HERC1: variants seen among roughly 807,000 people sequenced by gnomAD.
HERC1 encodes probable E3 ubiquitin-protein ligase HERC1.
In HERC1, 160 loss-of-function variants were observed where a neutral mutation model predicts 554.3. The ratio of observed to expected loss-of-function variants is 0.29; its 90% CI spans 0.25 to 0.33. The LOEUF is 0.33. Ranked by LOEUF, HERC1 falls within the 10% of genes least tolerant of loss-of-function variation. HERC1 has a pLI of 1.00. For missense variants in HERC1, 4,919 were observed against 5,918.5 expected (o/e 0.83, Z 5.54); for synonymous variants, 2,175 against 2,131.7 (o/e 1.02, Z -0.56).
chr15:63,785,628 G>A (rs2076413999), intron 1 of HERC1, among the ~76,000 whole-genome samples: 2 of 152,044 alleles, frequency 1.3e-5, no homozygotes, highest in Non-Finnish European at 2.9e-5. Flanking sequence ...AAATTAGCCA[G>A]GAATGGTGGC....
chr15:63,651,445 A>G lies in HERC1; in HGVS notation c.10419-65T>C, dbSNP rs1057219047. On this transcript the variant is annotated intron_variant, in intron 52 of 77. Coordinates refer to ENST00000443617, the MANE Select transcript of HERC1 (RefSeq NM_003922.4). ...CATTCAAAAGTAAATTAAATCCCAA[A>G]CCTTAAAATAAGGGTTTCATATAGA... 2.0e-6 allele frequency: 3 copies of G among 1,492,204 alleles called. No homozygotes were observed. In the African/African-American group the frequency reaches 4.2e-5, roughly 21 times the overall value. The allele number at this position is 1,492,204 out of a possible 1,614,324, so 92.4% of individuals were successfully genotyped here. A position where few individuals can be genotyped will look rare whatever the true frequency, so the allele number is the denominator to read the frequency against.
In HERC1 at chr15:63,756,324, G is replaced by C. The variant is rs2075420462; in HGVS notation, c.1533+113C>G. 1.2e-6 allele frequency: 1 copy of C among 805,810 alleles called. No individual in the cohort carries two copies. The highest frequency in any genetic ancestry group is 2.0e-6 in the Non-Finnish European group (1 of 490,518). The allele number at this position is 805,810 out of a possible 1,614,324, so 49.9% of individuals were successfully genotyped here. On this transcript the variant is annotated intron_variant, in intron 5 of 77. Coordinates refer to ENST00000443617, the MANE Select transcript of HERC1 (RefSeq NM_003922.4). This position sits in a 1 kb window ranked among gnomAD's most constrained non-coding sequence, Gnocchi z 5.0. ...GTAAAGCAGAGATACAAAAGATTAAGCCAAAGGGTTGAAGGGGCAACTGCA... is the reference window on the plus strand; with the variant it reads ...GTAAAGCAGAGATACAAAAGATTAACCCAAAGGGTTGAAGGGGCAACTGCA...
chr15:63,714,545 G>GTTTTTTTTT (rs773905620), intron 22 of HERC1, among the ~76,000 whole-genome samples: 2 of 95,830 alleles, frequency 2.1e-5, no homozygotes, highest in African/African-American at 3.9e-5. Context: ...TCCTTTTTCT[G>GTTTTTTTTT]TTTTTTTTTT....
chr15:63,734,821 GCTCC>G lies in HERC1; in HGVS notation c.2545_2548del (p.Gly849GlnfsTer41). ...TCGTAATGGAGGTAACAGCATGGTT[GCTCC>G]CACTGATAAAGTTTCAATTACCACC... On this transcript the variant is annotated frameshift_variant, in exon 13 of 78. Transcript: ENST00000443617. LOFTEE classifies it high-confidence loss of function. This position sits in a 1 kb window ranked among gnomAD's most constrained non-coding sequence, Gnocchi z 4.6. 1 of 1,609,880 alleles carries G rather than the reference GCTCC, an allele frequency of 6.2e-7. No homozygotes were observed. Among genetic ancestry groups the G allele is most frequent in the Non-Finnish European group, 8.5e-7 (1 of 1,177,408 alleles).
rs2078023635 is a variant in HERC1, at chr15:63,828,642, T to C, written c.-27+5185A>G. 2.0e-5 allele frequency among the ~76,000 whole-genome samples: 3 copies of C among 152,268 alleles called. No homozygotes were observed. In the South Asian group the frequency reaches 6.2e-4, roughly 32 times the overall value. The stretch of plus-strand genomic sequence containing the variant: ...GCATGAGCCACCGCACCCAGCCCAG[T>C]ACACCTTTTTATACAGTAGTGTTTA... On this transcript the variant is annotated intron_variant, in intron 1 of 77. Coordinates refer to ENST00000443617, the MANE Select transcript of HERC1 (RefSeq NM_003922.4).
chr15:63,813,351 A>ACAC, intron 1 of HERC1, among the ~76,000 whole-genome samples: 1 of 121,744 alleles, frequency 8.2e-6, no homozygotes, highest in Non-Finnish European at 1.8e-5. Flanking sequence ...CACACACACA[A>ACAC]ACTCGTAAGT....
chr15:63,813,670 C>G (rs1389758008), intron 1 of HERC1, among the ~76,000 whole-genome samples: 1 of 152,166 alleles, frequency 6.6e-6, no homozygotes. Context: ...CTATCCATCC[C>G]AGTTTGCCCA....
At chr15:63,644,319 C>T (rs1566966993) in intron 57 of HERC1, among the ~76,000 whole-genome samples, 1 of 152,182 alleles carries the variant, frequency 6.6e-6, no homozygotes, top group Non-Finnish European at 1.5e-5. Context: ...ATCTGACTGG[C>T]CACTCAGTGT....
chr15:63,761,382 C>G (rs1287824947), intron 3 of HERC1, among the ~76,000 whole-genome samples: 5 of 151,962 alleles, frequency 3.3e-5, no homozygotes, highest in African/African-American at 1.2e-4. Context: ...GAGTTTAAGA[C>G]CAGTCTGGGC....
Position 63,675,047 on chromosome 15 carries a change from C to T in HERC1, c.7141G>A (p.Asp2381Asn). The change falls in exon 38 of 78, where the codon GAT becomes AAT. Residue 2381 changes from aspartate to asparagine, a missense_variant. This residue lies in a region of HERC1 where 1,963 missense variants were observed against 2,228.6 expected (regional missense o/e 0.88). Transcript: ENST00000443617. ...NLEPCEPLPF[D>N]VARFRGLTAS... ...GTCAGGCCTCGGAATCGCGCCACAT[C>T]AAACGGCAATGGTTCACAGGGTTCC... is the stretch of plus-strand genomic sequence containing the variant. 2 of 1,614,006 alleles carry T rather than the reference C, an allele frequency of 1.2e-6. No individual in the cohort carries two copies. Among genetic ancestry groups the T allele is most frequent in the Non-Finnish European group, 1.7e-6 (2 of 1,179,888 alleles).
intron 76 of HERC1, among the ~76,000 whole-genome samples, chr15:63,613,317 G>C (rs2152713721): frequency 6.6e-6 from 1 of 152,324 alleles, no homozygotes; most frequent in African/African-American, 2.4e-5. Context: ...ATAGTGCTGG[G>C]CACAGGCAAG....
intron 1 of HERC1, among the ~76,000 whole-genome samples, chr15:63,816,035 G>A (rs994877627): frequency 3.3e-5 from 5 of 152,014 alleles, no homozygotes; most frequent in African/African-American, 4.8e-5. Flanking sequence ...CCCCCCACAC[G>A]TAGGGATTAT....
At position 63,612,611 on chromosome 15, in the gene HERC1, C is replaced by T; in HGVS notation, c.14095-55G>A. Reference sequence around the variant, plus strand: ...GAGTGTGCGTGAACCTGGCACCCACCAAGGGCCCTGTGGGGCTAGGCGCCT... The same window carrying T: ...GAGTGTGCGTGAACCTGGCACCCACTAAGGGCCCTGTGGGGCTAGGCGCCT... On this transcript the variant is annotated intron_variant, in intron 76 of 77. Coordinates refer to ENST00000443617, the MANE Select transcript of HERC1 (RefSeq NM_003922.4). The surrounding 1 kb of genome is among the most constrained non-coding windows in gnomAD (Gnocchi z 5.0). 1 of 1,553,518 alleles carries T rather than the reference C, an allele frequency of 6.4e-7. No individual in the cohort carries two copies. Among genetic ancestry groups the T allele is most frequent in the Non-Finnish European group, 8.7e-7 (1 of 1,143,166 alleles).
At chr15:63,702,635 G>A (rs578181059) in intron 25 of HERC1, among the ~76,000 whole-genome samples, 1 of 152,166 alleles carries the variant, frequency 6.6e-6, no homozygotes, top group Non-Finnish European at 1.5e-5. Context: ...ATTTTTACAG[G>A]TTTTGTCAAG....
intron 25 of HERC1, among the ~76,000 whole-genome samples, chr15:63,699,595 AT>A (rs2072613077): frequency 6.6e-6 from 1 of 152,324 alleles, no homozygotes. Flanking sequence ...TCATGTGCAT[AT>A]TTACTGCAGG....
chr15:63,719,199 A>C (rs2073699425), intron 19 of HERC1, among the ~76,000 whole-genome samples: 1 of 152,246 alleles, frequency 6.6e-6, no homozygotes, highest in Admixed American at 6.5e-5. Context: ...AAGCAGGGTA[A>C]GGAGAACAGG....
chr15:63,751,010 GA>G (rs2075222949), intron 8 of HERC1, among the ~76,000 whole-genome samples: 1 of 152,162 alleles, frequency 6.6e-6, no homozygotes, highest in African/African-American at 2.4e-5. Context: ...AATGCAACAA[GA>G]TTCCAGTACA....
intron 1 of HERC1, among the ~76,000 whole-genome samples, chr15:63,816,344 C>G (rs2077493060): frequency 6.6e-6 from 1 of 152,214 alleles, no homozygotes; most frequent in Non-Finnish European, 1.5e-5. Flanking sequence ...GGAAATGCTG[C>G]TGCTCCAGTT....
At chr15:63,804,288 T>G (rs1418828705) in intron 1 of HERC1, among the ~76,000 whole-genome samples, 2 of 152,162 alleles carry the variant, frequency 1.3e-5, no homozygotes, top group African/African-American at 4.8e-5. Flanking sequence ...ACTTTTGTCC[T>G]TCAAAAAGTA....
Sources: allele counts gnomAD v4.1 joint callset (sites outside exome capture counted in the v4.1 genomes callset), GRCh38; gene constraint gnomAD v4.1.1; regional missense constraint gnomAD v4.1.1; non-coding constraint Gnocchi (gnomAD v3.1); transcripts MANE v1.5; gene names NCBI Gene and HGNC (gene_info 2026-07-23, HGNC 2026-07-21).